The following DOCK9 variants were observed in gnomAD, a reference collection of about 807,000 sequenced individuals.
DOCK9 encodes dedicator of cytokinesis 9.
DOCK9 carries 89 observed loss-of-function variants against 263.3 expected under a neutral mutation model. That is an observed-to-expected ratio of 0.34 (90% CI 0.28 to 0.40). DOCK9 has a LOEUF of 0.40. Ranked by LOEUF, DOCK9 falls within the 10% of genes least tolerant of loss-of-function variation. DOCK9 has a pLI of 1.00. For missense variants in DOCK9, 2,140 were observed against 2,603.4 expected, an observed-to-expected ratio of 0.82 and a Z score of 3.87; for synonymous variants, 976 against 973.1, an observed-to-expected ratio of 1.00 and a Z score of -0.06.
chr13:98,967,952 A>AT (rs2059366943), intron 1 of DOCK9, among the ~76,000 whole-genome samples: 1 of 142,536 alleles, frequency 7.0e-6, no homozygotes, highest in South Asian at 2.3e-4. Flanking sequence ...TAAATCATGC[A>AT]TTTTTTTCCT....
chr13:99,045,026 G>A (rs9513541), intron 1 of DOCK9, among the ~76,000 whole-genome samples: 41,342 of 152,012 alleles, frequency 0.27, 5,999 homozygotes, highest in East Asian at 0.43. Context: ...AAGAGGATGT[G>A]GTGGAAAGGG....
chr13:98,835,911 G>A (rs2092980057), intron 39 of DOCK9, among the ~76,000 whole-genome samples: 1 of 151,538 alleles, frequency 6.6e-6, no homozygotes, highest in Non-Finnish European at 1.5e-5. Context: ...CTATTTTTTT[G>A]CATTTTAGTA....
rs1264510953 is a variant in DOCK9 at position 98,826,825 on chromosome 13, C to T, written c.5023+5G>A. 62 of 1,603,664 alleles carry T rather than the reference C, an allele frequency of 3.9e-5. No individual in the cohort carries two copies. The highest frequency in any genetic ancestry group is 4.9e-5 in the Non-Finnish European group (58 of 1,174,388). On this transcript the variant is annotated splice_donor_5th_base_variant and intron_variant, in intron 44 of 52. Coordinates refer to ENST00000682017, the MANE Select transcript of DOCK9 (RefSeq NM_001366683.2). ...ATTTCACAAAACATGAGAATAATTC[C>T]TTACCTTTCCGTGTGAGATATTCTG...
chr13:98,951,644 G>A (rs560028161), intron 2 of DOCK9, among the ~76,000 whole-genome samples: 33 of 152,300 alleles, frequency 2.2e-4, no homozygotes, highest in African/African-American at 7.2e-4. Flanking sequence ...AGACAGTGGG[G>A]GGAAAAGTTT....
At position 98,885,020 on chromosome 13, in the gene DOCK9, G is replaced by A. The variant is rs376240334; in HGVS notation, c.2333C>T (p.Ala778Val). ...VTSEQHIPVSANLPSGYLGYQ... is the reference protein window; with the variant it reads ...VTSEQHIPVSVNLPSGYLGYQ... ...GCCAAGATAGCCCGAAGGAAGGTTC[G>A]CCGAGACCGGGATGTGCTGCTCGCT... is the stretch of plus-strand genomic sequence containing the variant. The change falls in exon 21 of 53, where the codon GCG becomes GTG. Residue 778 changes from alanine (A) to valine (V), a missense_variant. By Grantham distance (64) the Ala-to-Val change is moderately conservative. Coordinates refer to ENST00000682017, the MANE Select transcript of DOCK9 (RefSeq NM_001366683.2). 60 of 1,613,476 alleles carry A rather than the reference G, an allele frequency of 3.7e-5. No homozygotes were observed. Among genetic ancestry groups the A allele is most frequent in the Non-Finnish European group, 4.4e-5 (52 of 1,179,784 alleles).
intron 45 of DOCK9, among the ~76,000 whole-genome samples, chr13:98,819,560 AATGAAGTAGGGCAGT>A (rs1479067725): frequency 6.6e-6 from 1 of 152,156 alleles, no homozygotes; most frequent in Non-Finnish European, 1.5e-5. Flanking sequence ...ACATTTGCAA[AATGAAGTAGGGCAGT>A]ATGTGCTGGC....
upstream of DOCK9, chr13:98,978,185 T>C (rs1875791071): frequency 3.9e-6 from 4 of 1,038,024 alleles, no homozygotes; most frequent in Non-Finnish European, 5.1e-6. Context: ...CAATACACAG[T>C]GTACTGCCTC....
intron 7 of DOCK9, among the ~76,000 whole-genome samples, chr13:98,917,854 C>G (rs2051156321): frequency 6.6e-6 from 1 of 152,148 alleles, no homozygotes. Context: ...CACCTTTGAG[C>G]CGGGGGTTCC....
chr13:98,962,332 G>A (rs955683226), intron 1 of DOCK9, among the ~76,000 whole-genome samples: 2 of 152,104 alleles, frequency 1.3e-5, no homozygotes, highest in Non-Finnish European at 2.9e-5. Flanking sequence ...CTAAATAAAT[G>A]TTCACCTCCG....
chr13:98,802,606 G>A (rs1330782258), intron 49 of DOCK9, among the ~76,000 whole-genome samples: 13 of 152,116 alleles, frequency 8.5e-5, no homozygotes, highest in Non-Finnish European at 1.3e-4. Context: ...GCTTCTCCTC[G>A]CCCCCCTTCT....
intron 49 of DOCK9, among the ~76,000 whole-genome samples, chr13:98,802,665 T>C (rs1331518245): frequency 6.6e-6 from 1 of 152,126 alleles, no homozygotes; most frequent in Non-Finnish European, 1.5e-5. Flanking sequence ...AGGGTGATCA[T>C]GAGGTTTTTC....
intron 38 of DOCK9, 83 bp downstream of exon 38, chr13:98,845,841 G>A (rs1285200155): frequency 1.8e-5 from 28 of 1,529,174 alleles, no homozygotes; most frequent in Non-Finnish European, 2.4e-5. Context: ...AGTTGGTGAT[G>A]TGGTAGGTGT....
chr13:98,853,301 A>C (rs2141602924), intron 35 of DOCK9, 107 bp downstream of exon 35: 1 of 696,710 alleles, frequency 1.4e-6, no homozygotes, highest in East Asian at 2.8e-5. Flanking sequence ...CATTTTAAAC[A>C]AGAAAATCCT....
intron 1 of DOCK9, among the ~76,000 whole-genome samples, chr13:99,083,108 AGCTGG>A (rs1487128984): frequency 6.6e-6 from 1 of 152,114 alleles, no homozygotes; most frequent in Non-Finnish European, 1.5e-5. Context: ...CACAAAAATC[AGCTGG>A]GCATGGTAGA....
rs1328344011 is a variant in DOCK9 at position 98,873,920 on chromosome 13, A to G, written c.2944-5543T>C. ...CCTCTACTCTACTGCCTCTCTCAAA[A>G]GCTCCTTCTTCTATGATCTCACGCT... On this transcript the variant is annotated intron_variant, in intron 27 of 52. Coordinates refer to ENST00000682017, the MANE Select transcript of DOCK9 (RefSeq NM_001366683.2). Among the ~76,000 whole-genome samples the G allele has an allele frequency of 1.3e-5, 2 of 152,082 alleles. 1 individual carries two copies. The highest frequency in any genetic ancestry group is 3.9e-4 in the East Asian group (2 of 5,184).
intron 1 of DOCK9, among the ~76,000 whole-genome samples, chr13:98,991,157 C>T (rs1199130018): frequency 6.6e-6 from 1 of 152,062 alleles, no homozygotes; most frequent in African/African-American, 2.4e-5. Context: ...CCACAACCTC[C>T]GCCTCCTGGG....
intron 2 of DOCK9, among the ~76,000 whole-genome samples, chr13:98,934,650 C>A (rs1201681527): frequency 1.7e-5 from 2 of 119,630 alleles, no homozygotes; most frequent in Non-Finnish European, 3.7e-5. Flanking sequence ...ACTAGCTACA[C>A]TACAGAGTTA....
intron 2 of DOCK9, among the ~76,000 whole-genome samples, chr13:98,941,476 G>C (rs1488053097): frequency 1.3e-5 from 2 of 152,200 alleles, no homozygotes; most frequent in Non-Finnish European, 2.9e-5. Flanking sequence ...TTAAATGGAA[G>C]AGCACACGAT....
At chr13:98,980,619 T>C (rs1876960503), upstream of DOCK9, among the ~76,000 whole-genome samples, 1 of 152,254 alleles carries the variant, frequency 6.6e-6, no homozygotes, top group African/African-American at 2.4e-5. Flanking sequence ...CAGGTATTCA[T>C]TTGATGGTAA....
Sources: gnomAD v4.1 joint callset for allele counts (sites outside exome capture counted in the v4.1 genomes callset) on GRCh38, gnomAD v4.1.1 for gene constraint, MANE v1.5 for transcripts, NCBI Gene and HGNC (gene_info 2026-07-23, HGNC 2026-07-21) for gene names.